The following DYNC2H1 variants were observed in gnomAD, a reference collection of about 807,000 sequenced individuals.
DYNC2H1 encodes the protein dynein cytoplasmic 2 heavy chain 1, also known as cytoplasmic dynein 2 heavy chain 1.
In DYNC2H1, 410 loss-of-function variants were observed where a neutral mutation model predicts 570.0. The observed-to-expected ratio is 0.72, with a 90% CI of 0.66 to 0.78. The LOEUF (loss-of-function observed/expected upper bound fraction) is 0.78, where lower values mean the gene tolerates loss of function less well. Among genes scored for constraint, DYNC2H1 ranks in the 30% least tolerant of loss-of-function variants. The probability of loss-of-function intolerance (pLI) is 0.00; values close to 1 mark genes in which losing one functional copy is unlikely to be tolerated. For synonymous variants in DYNC2H1, 1,688 were observed against 1,677.6 expected (o/e 1.01, Z -0.15); for missense variants, 4,865 against 5,046.4 (o/e 0.96, Z 1.09).
At chr11:103,146,751 C>A (rs1259850094) in intron 18 of DYNC2H1, among the ~76,000 whole-genome samples, 1 of 151,896 alleles carries the variant, frequency 6.6e-6, no homozygotes. Context: ...TACAGGCGTG[C>A]GCCACCATGC....
intron 84 of DYNC2H1, among the ~76,000 whole-genome samples, chr11:103,410,421 C>T (rs1943036700): frequency 6.6e-6 from 1 of 151,974 alleles, no homozygotes; most frequent in Admixed American, 6.6e-5. Context: ...ACTCTATAAC[C>T]TTTTTAGGGT....
intron 82 of DYNC2H1, among the ~76,000 whole-genome samples, chr11:103,353,011 A>G (rs542771068): frequency 9.9e-5 from 15 of 152,282 alleles, no homozygotes; most frequent in South Asian, 6.2e-4. Flanking sequence ...CATGAATGAA[A>G]CTAGAAGTCA....
chr11:103,301,193 A>T (rs1354956067), intron 75 of DYNC2H1, among the ~76,000 whole-genome samples: 1 of 151,928 alleles, frequency 6.6e-6, no homozygotes, highest in Non-Finnish European at 1.5e-5. Context: ...CTTCAGTTTT[A>T]ATGTATGGCT....
rs759549373 is a variant in DYNC2H1, at chr11:103,253,342, G to T, written c.10100G>T (p.Arg3367Leu). 6.2e-6 allele frequency: 10 copies of T among 1,613,106 alleles called. No homozygotes were observed. The highest frequency in any genetic ancestry group is 8.5e-6 in the Non-Finnish European group (10 of 1,179,422). ...ATTATTGACTACAATGAAGAATTCC[G>T]CCTCTTTTTGTCAACAAGAAACCCA... ...DKIIDYNEEF[R>L]LFLSTRNPNP... Residue 3367 changes from arginine (R) to leucine (L), a missense_variant, in exon 66 of 89, where the codon CGC becomes CTC. By Grantham distance (102) the Arg-to-Leu change is moderately radical. Around this residue, in one of 5 missense-constraint regions of DYNC2H1, gnomAD observed 2,401 missense variants for 2,454.6 expected, o/e 0.98. Coordinates refer to ENST00000375735, the MANE Select transcript of DYNC2H1 (RefSeq NM_001377.3).
At position 103,257,743 on chromosome 11, in the gene DYNC2H1, A is replaced by G; in HGVS notation, c.10597A>G (p.Asn3533Asp). Residue 3533 changes from asparagine to aspartate, a missense_variant, in exon 69 of 89, where the codon AAC becomes GAC. Around this residue, in one of 5 missense-constraint regions of DYNC2H1, gnomAD observed 2,401 missense variants for 2,454.6 expected, o/e 0.98. Coordinates refer to ENST00000375735, the MANE Select transcript of DYNC2H1 (RefSeq NM_001377.3). ...FLRLFQRALQ[N>D]KQDSENTEQR... is the part of the protein sequence containing the mutation. ...CCGACTTTTCCAACGAGCTCTACAA[A>G]ACAAACAGGTAAGCTGTTGGATACC... The G allele has an allele frequency of 6.3e-7, 1 of 1,592,788 alleles. No homozygotes were observed. The highest frequency in any genetic ancestry group is 8.6e-7 in the Non-Finnish European group (1 of 1,168,940).
intron 88 of DYNC2H1, among the ~76,000 whole-genome samples, chr11:103,478,396 T>A (rs2135877384): frequency 6.6e-6 from 1 of 152,268 alleles, no homozygotes; most frequent in East Asian, 1.9e-4. Context: ...AAAGTGATTA[T>A]CAGTGGCCTC....
At chr11:103,119,493 C>T (rs531808452) in intron 6 of DYNC2H1, among the ~76,000 whole-genome samples, 2 of 152,258 alleles carry the variant, frequency 1.3e-5, no homozygotes, top group Non-Finnish European at 2.9e-5. Flanking sequence ...GTGCACGCCA[C>T]CACACCTGGC....
chr11:103,146,918 A>G (rs1860270168), intron 18 of DYNC2H1, among the ~76,000 whole-genome samples: 1 of 152,082 alleles, frequency 6.6e-6, no homozygotes, highest in South Asian at 2.1e-4. Context: ...TTTTTATGGA[A>G]TACTATTTCA....
At chr11:103,242,321 A>G (rs1203786491) in intron 63 of DYNC2H1, among the ~76,000 whole-genome samples, 1 of 152,202 alleles carries the variant, frequency 6.6e-6, no homozygotes, top group Non-Finnish European at 1.5e-5. Context: ...CAACTATAAC[A>G]GTATACTGTA....
At chr11:103,309,122 C>T (rs1207552887) in intron 78 of DYNC2H1, among the ~76,000 whole-genome samples, 1 of 147,000 alleles carries the variant, frequency 6.8e-6, no homozygotes, top group Non-Finnish European at 1.5e-5. Context: ...AATGAAATAG[C>T]AAACTATTAA....
Position 103,241,408 on chromosome 11 carries a change from G to A in DYNC2H1, c.9820-2285G>A. 8.8e-6 allele frequency: 7 copies of A among 795,244 alleles called. No individual in the cohort carries two copies. The highest frequency in any genetic ancestry group is 3.6e-4 in the Middle Eastern group (1 of 2,762). 49.3% of individuals were successfully genotyped at this position (795,244 alleles called of 1,614,324 possible). ...ATAGAAATCTTATCTAAATCTGTCT[G>A]GAGACGTAAAATAAGATGACAACAA... On this transcript the variant is annotated intron_variant, in intron 63 of 88. Coordinates refer to ENST00000375735, the MANE Select transcript of DYNC2H1 (RefSeq NM_001377.3). This position sits in a 1 kb window ranked among gnomAD's most constrained non-coding sequence, Gnocchi z 5.1.
intron 3 of DYNC2H1, among the ~76,000 whole-genome samples, chr11:103,114,700 G>T (rs1299051409): frequency 1.3e-5 from 2 of 152,054 alleles, no homozygotes; most frequent in Non-Finnish European, 2.9e-5. Context: ...TTGAGCCCCT[G>T]GTCATAACAT....
chr11:103,177,921 A>G lies in DYNC2H1; in HGVS notation c.6139+101A>G. On this transcript the variant is annotated intron_variant, in intron 38 of 88. Coordinates refer to ENST00000375735, the MANE Select transcript of DYNC2H1 (RefSeq NM_001377.3). The surrounding 1 kb of genome is among the most constrained non-coding windows in gnomAD (Gnocchi z 4.4). ...TTTGTCAAGACTTCTACATGACCAT[A>G]AAGTCATAATTAAGTTAAAATGATG... 1 of 1,311,168 alleles carries G rather than the reference A, an allele frequency of 7.6e-7. No homozygotes were observed. The highest frequency in any genetic ancestry group is 1.0e-6 in the Non-Finnish European group (1 of 983,558). The allele number at this position is 1,311,168 out of a possible 1,614,324, so 81.2% of individuals were successfully genotyped here.
chr11:103,110,627 C>T (rs952003006), intron 1 of DYNC2H1, among the ~76,000 whole-genome samples: 4 of 152,050 alleles, frequency 2.6e-5, no homozygotes, highest in Non-Finnish European at 5.9e-5. Context: ...AAATGGGTTG[C>T]ATTTGCAATC....
intron 82 of DYNC2H1, among the ~76,000 whole-genome samples, chr11:103,338,030 T>G (rs1196955192): frequency 6.6e-6 from 1 of 152,236 alleles, no homozygotes; most frequent in East Asian, 1.9e-4. Flanking sequence ...TTTAAGTCTT[T>G]AATCCATTTT....
At chr11:103,118,107 A>G (rs1167114093) in intron 6 of DYNC2H1, among the ~76,000 whole-genome samples, 3 of 152,250 alleles carry the variant, frequency 2.0e-5, no homozygotes, top group Non-Finnish European at 4.4e-5. Flanking sequence ...TAATCAGCCC[A>G]CTTGACCATG....
chr11:103,155,401 G>T lies in DYNC2H1; in HGVS notation c.3644G>T (p.Arg1215Leu). ...LSPDHWLDLFRLLGLPRGTSL... is the reference protein window; with the variant it reads ...LSPDHWLDLFLLLGLPRGTSL... ...CCAGATCACTGGCTTGACCTTTTTC[G>T]TCTCCTTGGACTTCCTAGGGGGACT... The change falls in exon 25 of 89, where the codon CGT (arginine) becomes CTT (leucine). Residue 1215 changes from arginine to leucine, a missense_variant. This residue lies in a region of DYNC2H1 where 1,936 missense variants were observed against 1,962.1 expected (regional missense o/e 0.99). Coordinates refer to ENST00000375735, the MANE Select transcript of DYNC2H1 (RefSeq NM_001377.3). 5.0e-6 allele frequency: 8 copies of T among 1,609,868 alleles called. No individual in the cohort carries two copies. The highest frequency in any genetic ancestry group is 6.8e-6 in the Non-Finnish European group (8 of 1,178,436).
chr11:103,399,411 C>T (rs1278921455), intron 83 of DYNC2H1, among the ~76,000 whole-genome samples: 1 of 151,276 alleles, frequency 6.6e-6, no homozygotes, highest in East Asian at 1.9e-4. Flanking sequence ...CTGCGTTGGC[C>T]CCCCAGAGTG....
intron 75 of DYNC2H1, among the ~76,000 whole-genome samples, chr11:103,295,580 A>G (rs1376357705): frequency 6.6e-6 from 1 of 152,178 alleles, no homozygotes. Flanking sequence ...TAAGTGGTAC[A>G]ATGAAGGTCA....
Sources: gnomAD v4.1 joint callset for allele counts (sites outside exome capture counted in the v4.1 genomes callset) on GRCh38, gnomAD v4.1.1 for gene constraint, gnomAD v4.1.1 regional missense constraint, Gnocchi (gnomAD v3.1) non-coding constraint, MANE v1.5 for transcripts, NCBI Gene and HGNC (gene_info 2026-07-23, HGNC 2026-07-21) for gene names.